Variants in PTPN20 observed in about 807,000 individuals in gnomAD.
PTPN20 encodes protein tyrosine phosphatase non-receptor type 20, also known as tyrosine-protein phosphatase non-receptor type 20.
A neutral mutation model predicts 35.0 loss-of-function variants in PTPN20; 9 were observed. The observed-to-expected ratio is 0.26, with a 90% CI of 0.15 to 0.45. PTPN20 has a LOEUF of 0.45. Ranked by LOEUF, PTPN20 falls within the 20% of genes least tolerant of loss-of-function variation. The pLI is 1.00. For synonymous variants in PTPN20, 32 were observed against 100.2 expected, an observed-to-expected ratio of 0.32 and a Z score of 4.06; for missense variants, 111 against 312.5, an observed-to-expected ratio of 0.36 and a Z score of 4.86.
At chr10:46,939,110 C>T (rs1482001419) in intron 2 of PTPN20, among the ~76,000 whole-genome samples, 24 of 147,518 alleles carry the variant, frequency 1.6e-4, no homozygotes, top group African/African-American at 7.6e-5. Flanking sequence ...TTTTCAGAAC[C>T]GTTTGCATGA....
chr10:46,938,666 T>C (rs2042502318), intron 2 of PTPN20, among the ~76,000 whole-genome samples: 1 of 37,786 alleles, frequency 2.6e-5, no homozygotes, highest in Non-Finnish European at 4.6e-5. Flanking sequence ...CCTCAGCCTC[T>C]CCTAACTTTG....
chr10:46,964,876 TTC>T (rs1555159369), intron 5 of PTPN20, 108 bp from the exon 6 acceptor site: 1 of 53,868 alleles, frequency 1.9e-5, no homozygotes, highest in African/African-American at 7.9e-5. Context: ...AAAAATAAAC[TTC>T]TGTTTACCCT....
rs2059199748 is a variant in PTPN20, at chr10:46,996,905, G to A, written c.1135-3007G>A. Among the ~76,000 whole-genome samples, 7 of 152,236 alleles carry A rather than the reference G, an allele frequency of 4.6e-5. No homozygotes were observed. In the South Asian group the frequency reaches 8.3e-4, roughly 18 times the overall value. ...ATATAGTAAGCTTTAACATCAGATAGAATGATTCCTCCCACGTTATTCTCC... is the reference window on the plus strand; with the variant it reads ...ATATAGTAAGCTTTAACATCAGATAAAATGATTCCTCCCACGTTATTCTCC... On this transcript the variant is annotated intron_variant, in intron 9 of 10. Coordinates refer to ENST00000374339, the MANE Select transcript of PTPN20 (RefSeq NM_001042357.5).
chr10:47,000,565 T>C, intron 10 of PTPN20, 111 bp from the exon 11 acceptor site: 21 of 1,253,338 alleles, frequency 1.7e-5, no homozygotes, highest in Non-Finnish European at 2.3e-5. Context: ...AAATGTTTGC[T>C]CTTTTTAGGA....
chr10:46,922,914 G>A (rs2035850513), intron 1 of PTPN20, among the ~76,000 whole-genome samples: 1 of 123,956 alleles, frequency 8.1e-6, no homozygotes, highest in Non-Finnish European at 1.6e-5. Flanking sequence ...GAGAAACTTT[G>A]CCCCAGGCTG....
chr10:46,926,488 C>A (rs2037433504), intron 1 of PTPN20, among the ~76,000 whole-genome samples: 1 of 151,434 alleles, frequency 6.6e-6, no homozygotes, highest in Non-Finnish European at 1.5e-5. Flanking sequence ...CTGTGATTAC[C>A]CTGGGATGAT....
chr10:46,999,422 C>G (rs2059715906), intron 9 of PTPN20, among the ~76,000 whole-genome samples: 1 of 152,162 alleles, frequency 6.6e-6, no homozygotes, highest in East Asian at 1.9e-4. Flanking sequence ...TGTGGACCAG[C>G]AACAGACCTT....
downstream of PTPN20, among the ~76,000 whole-genome samples, chr10:47,003,288 G>A (rs375151004): frequency 8.1e-6 from 1 of 123,678 alleles, no homozygotes. Context: ...ATTTGTAGGT[G>A]AAAAACAGAG....
At position 47,000,719 on chromosome 10, in the gene PTPN20, G is replaced by T; in HGVS notation, c.1241G>T (p.Arg414Leu). Reference protein sequence around the residue: ...FCYDIVLEVLRKLLTLD With the variant: ...FCYDIVLEVLLKLLTLD ...TACGATATTGTGCTTGAAGTTCTTC[G>T]GAAACTTCTGACTTTGGATTAAGAA... is the stretch of plus-strand genomic sequence containing the variant. The change falls in exon 11 of 11, where the codon CGG (arginine) becomes CTG (leucine). Residue 414 changes from arginine to leucine, a missense_variant. Arg to Leu is a moderately radical substitution (Grantham distance 102). This residue lies in a region of PTPN20 where 61 missense variants were observed against 54.3 expected (regional missense o/e 1.12). Coordinates refer to ENST00000374339, the MANE Select transcript of PTPN20 (RefSeq NM_001042357.5). 6.2e-7 allele frequency: 1 copy of T among 1,613,422 alleles called. No homozygotes were observed. Among genetic ancestry groups the T allele is most frequent in the Non-Finnish European group, 8.5e-7 (1 of 1,179,544 alleles).
At chr10:46,949,491 G>A (rs1170245366) in intron 5 of PTPN20, among the ~76,000 whole-genome samples, 1 of 151,842 alleles carries the variant, frequency 6.6e-6, no homozygotes, top group Non-Finnish European at 1.5e-5. Context: ...TCCTTAGATT[G>A]CAGACTACTT....
At position 47,000,953 on chromosome 10, in the gene PTPN20, C is replaced by G. The variant is rs2059971463; in HGVS notation, c.*212C>G. ...ACTTATTGATCTTGCTAGACAATAT[C>G]AAAATAACTTCCCACATTTTCCAGT... On this transcript the variant is annotated 3_prime_UTR_variant, in exon 11 of 11. Transcript: ENST00000374339. 2 of 617,012 alleles carry G rather than the reference C, an allele frequency of 3.2e-6. No individual in the cohort carries two copies. The highest frequency in any genetic ancestry group is 5.8e-6 in the Non-Finnish European group (2 of 342,942). 38.2% of individuals were successfully genotyped at this position (617,012 alleles called of 1,614,324 possible). A position where few individuals can be genotyped will look rare whatever the true frequency, so the allele number is the denominator to read the frequency against.
At position 46,999,944 on chromosome 10, in the gene PTPN20, A is replaced by G. The variant is rs782754933; in HGVS notation, c.1167A>G (p.Arg389=). The part of the protein sequence containing the change: ...FNIMDIVAQM[R]EQRSGMVQTK... ...TCATGGATATAGTGGCCCAAATGAG[A>G]GAACAACGTTCTGGCATGGTTCAAA... Residue 389 remains arginine (R), a synonymous_variant, in exon 10 of 11, where the codon AGA becomes AGG. Coordinates refer to ENST00000374339, the MANE Select transcript of PTPN20 (RefSeq NM_001042357.5). 9.9e-6 allele frequency: 16 copies of G among 1,613,738 alleles called. No individual in the cohort carries two copies.
intron 2 of PTPN20, among the ~76,000 whole-genome samples, chr10:46,939,601 T>C (rs1449644532): frequency 6.7e-6 from 1 of 149,140 alleles, no homozygotes; most frequent in Non-Finnish European, 1.5e-5. Context: ...TATGATTTTC[T>C]CCTTTGTAGT....
intron 1 of PTPN20, among the ~76,000 whole-genome samples, chr10:46,922,693 G>GA (rs1196855135): frequency 2.1e-5 from 3 of 140,502 alleles, no homozygotes; most frequent in Non-Finnish European, 4.5e-5. Context: ...ACCATTCACT[G>GA]AAAAGATTAC....
At chr10:46,938,400 A>G (rs1183818670) in intron 2 of PTPN20, among the ~76,000 whole-genome samples, 1 of 59,644 alleles carries the variant, frequency 1.7e-5, no homozygotes, top group African/African-American at 9.0e-5. Flanking sequence ...ACTAAGAGGT[A>G]TCTCTTCTGT....
intron 7 of PTPN20, among the ~76,000 whole-genome samples, chr10:46,977,233 A>C (rs1272684210): frequency 6.6e-6 from 1 of 152,226 alleles, no homozygotes; most frequent in African/African-American, 2.4e-5. Flanking sequence ...TACAATGTCA[A>C]CTTTTCCCTG....
intron 7 of PTPN20, among the ~76,000 whole-genome samples, chr10:46,976,450 A>G (rs1337279844): frequency 3.1e-5 from 2 of 64,884 alleles, no homozygotes; most frequent in African/African-American, 5.8e-5. Context: ...TGTTGGTTTT[A>G]GGAATCTTGG....
chr10:46,998,685 A>G (rs1590051994), intron 9 of PTPN20, among the ~76,000 whole-genome samples: 1 of 152,196 alleles, frequency 6.6e-6, no homozygotes, highest in Non-Finnish European at 1.5e-5. Context: ...TGAAATCTGA[A>G]TTAAGCTTTG....
intron 9 of PTPN20, among the ~76,000 whole-genome samples, chr10:46,988,019 G>T (rs1403105196): frequency 6.6e-6 from 1 of 152,240 alleles, no homozygotes; most frequent in African/African-American, 2.4e-5. Context: ...TGGGTAAATT[G>T]CTCATCCTCT....
Sources: gnomAD v4.1 joint callset for allele counts (sites outside exome capture counted in the v4.1 genomes callset) on GRCh38, gnomAD v4.1.1 for gene constraint, gnomAD v4.1.1 regional missense constraint, MANE v1.5 for transcripts, NCBI Gene and HGNC (gene_info 2026-07-23, HGNC 2026-07-21) for gene names.